Variants in LRIG2 observed in about 807,000 individuals in gnomAD.
The protein encoded by LRIG2 is leucine-rich repeats and immunoglobulin-like domains protein 2.
In LRIG2, 93 loss-of-function variants were observed where a neutral mutation model predicts 107.8. The observed-to-expected ratio is 0.86, with a 90% confidence interval of 0.73 to 1.03. LRIG2 has a LOEUF of 1.03. Ranked by LOEUF, LRIG2 falls within the 50% of genes least tolerant of loss-of-function variation. LRIG2 has a pLI of 0.00. For synonymous variants in LRIG2, 471 were observed against 470.6 expected (o/e 1.00, Z -0.01); for missense variants, 1,226 against 1,296.0 (o/e 0.95, Z 0.83).
chr1:113,099,255 T>TTTTTTTTTTTTG (rs59585603), intron 9 of LRIG2, among the ~76,000 whole-genome samples: 1 of 148,778 alleles, frequency 6.7e-6, no homozygotes, highest in Non-Finnish European at 1.5e-5. Context: ...TTTTTTTTTT[T>TTTTTTTTTTTTG]GAGACAGGGT....
At chr1:113,091,076 C>T (rs1653799858) in intron 1 of LRIG2, among the ~76,000 whole-genome samples, 1 of 151,696 alleles carries the variant, frequency 6.6e-6, no homozygotes, top group Admixed American at 6.6e-5. Flanking sequence ...CTCCTGACCT[C>T]AGGTGATCTG....
Position 113,073,249 on chromosome 1 carries a change from C to T in LRIG2, c.-158C>T. The T allele has an allele frequency of 7.5e-6, 5 of 664,798 alleles. No individual in the cohort carries two copies. Among genetic ancestry groups the T allele is most frequent in the South Asian group, 5.4e-5 (3 of 55,088 alleles). 41.2% of individuals were successfully genotyped at this position (664,798 alleles called of 1,614,324 possible). ...TGTCCCAGGCCGTCGACCCCGCTGT[C>T]GCGCTGCGTCTGCTCCTTGCATGCC... is the stretch of plus-strand genomic sequence containing the variant. On this transcript the variant is annotated 5_prime_UTR_variant, in exon 1 of 18. Coordinates refer to ENST00000361127, the MANE Select transcript of LRIG2 (RefSeq NM_014813.3).
intron 1 of LRIG2, among the ~76,000 whole-genome samples, chr1:113,079,273 G>C (rs1289720119): frequency 4.0e-5 from 6 of 151,564 alleles, no homozygotes; most frequent in Admixed American, 6.6e-5. Context: ...GCTTGAGCCT[G>C]GGAGGCAGAG....
chr1:113,098,551 T>C (rs1347968818), intron 8 of LRIG2, among the ~76,000 whole-genome samples, 154 bp from the exon 9 acceptor site: 2 of 152,240 alleles, frequency 1.3e-5, no homozygotes, highest in Admixed American at 1.3e-4. Context: ...CAGATATTTC[T>C]TAAGAAGCAG....
At position 113,093,414 on chromosome 1, in the gene LRIG2, A is replaced by C. The variant is rs1470466474; in HGVS notation, c.381-16A>C. ...GGATCAGTGGCAGCAGCTTCATTAT[A>C]ATCTTTGTTTTACAGAGTCCATAAT... On this transcript the variant is annotated splice_polypyrimidine_tract_variant and intron_variant, in intron 3 of 17. Transcript: ENST00000361127. 2 of 1,612,818 alleles carry C rather than the reference A, an allele frequency of 1.2e-6. No homozygotes were observed. Among genetic ancestry groups the C allele is most frequent in the Admixed American group, 3.3e-5 (2 of 59,778 alleles).
In LRIG2 at chr1:113,073,411, C is replaced by T. The variant is rs1179057056; in HGVS notation, c.5C>T (p.Ala2Val). 5.6e-6 allele frequency: 9 copies of T among 1,613,070 alleles called. No homozygotes were observed. Among genetic ancestry groups the T allele is most frequent in the Admixed American group, 1.7e-5 (1 of 59,914 alleles). ...ACGTCCAGGTCGAGGGGGAAAATGGCGCCGGCGCCCCTAGGCGTCCCGGAG... is the reference window on the plus strand; with the variant it reads ...ACGTCCAGGTCGAGGGGGAAAATGGTGCCGGCGCCCCTAGGCGTCCCGGAG... M[A>V]PAPLGVPEEQ... Residue 2 changes from alanine to valine, a missense_variant, in exon 1 of 18, where the codon GCG becomes GTG. By Grantham distance (64) the Ala-to-Val change is moderately conservative. Coordinates refer to ENST00000361127, the MANE Select transcript of LRIG2 (RefSeq NM_014813.3).
intron 1 of LRIG2, among the ~76,000 whole-genome samples, chr1:113,079,607 C>T (rs776413497): frequency 8.4e-5 from 12 of 142,680 alleles, no homozygotes; most frequent in Admixed American, 3.5e-4. Context: ...CGCTTGAGCC[C>T]GGGAGGCAGA....
chr1:113,112,329 A>G, intron 13 of LRIG2, 150 bp from the exon 14 acceptor site: 1 of 699,264 alleles, frequency 1.4e-6, no homozygotes, highest in Non-Finnish European at 2.3e-6. Flanking sequence ...TTATAAAACT[A>G]TATTCACTCT....
chr1:113,089,676 CTT>C (rs35515644), intron 1 of LRIG2, among the ~76,000 whole-genome samples: 1 of 71,674 alleles, frequency 1.4e-5, no homozygotes, highest in Non-Finnish European at 2.5e-5. Context: ...AGGTGGATTG[CTT>C]TTTTTTTTTT....
At chr1:113,119,579 C>T (rs1053552739) in intron 17 of LRIG2, 56 bp downstream of exon 17, 2 of 1,525,788 alleles carry the variant, frequency 1.3e-6, no homozygotes, top group Admixed American at 3.7e-5. Context: ...ATTGACTCTT[C>T]CTTCTATCAT....
chr1:113,095,948 A>G lies in LRIG2; in HGVS notation c.878A>G (p.Tyr293Cys), dbSNP rs199557464. The change falls in exon 7 of 18, where the codon TAT (tyrosine) becomes TGT (cysteine). Residue 293 changes from tyrosine to cysteine, a missense_variant. Tyr to Cys is a radical substitution (Grantham distance 194). Around this residue, in one of 3 missense-constraint regions of LRIG2, gnomAD observed 570 missense variants for 550.2 expected, o/e 1.04. Transcript: ENST00000361127. ...GGCTTGCGAATGTTACAGCAGCTCTATGTGAGCCAGAATGCTATTGAAAGA... is the reference window on the plus strand; with the variant it reads ...GGCTTGCGAATGTTACAGCAGCTCTGTGTGAGCCAGAATGCTATTGAAAGA... The part of the protein sequence containing the change: ...LYGLRMLQQL[Y>C]VSQNAIERIS... The G allele has an allele frequency of 7.4e-6, 12 of 1,614,216 alleles. No individual in the cohort carries two copies. In the African/African-American group the frequency reaches 8.0e-5, roughly 11 times the overall value.
At position 113,094,764 on chromosome 1, in the gene LRIG2, T is replaced by C. The variant is rs1186183122; in HGVS notation, c.803+9T>C. ...AATAACATGGAAGAACTGTAAGTACTCGGGACTAGAGGTGATTATTAGGAA... is the reference window on the plus strand; with the variant it reads ...AATAACATGGAAGAACTGTAAGTACCCGGGACTAGAGGTGATTATTAGGAA... On this transcript the variant is annotated intron_variant, in intron 6 of 17. Transcript: ENST00000361127. The C allele has an allele frequency of 6.2e-7, 1 of 1,613,024 alleles. No individual in the cohort carries two copies. Among genetic ancestry groups the C allele is most frequent in the East Asian group, 2.2e-5 (1 of 44,794 alleles).
chr1:113,080,836 G>GTTTTT (rs1007236694), intron 1 of LRIG2, among the ~76,000 whole-genome samples: 62 of 84,560 alleles, frequency 7.3e-4, no homozygotes, highest in Non-Finnish European at 9.1e-4. Flanking sequence ...AACACTAAAA[G>GTTTTT]TTTTTTTTTT....
intron 11 of LRIG2, among the ~76,000 whole-genome samples, chr1:113,105,302 C>T (rs947608851): frequency 2.0e-5 from 3 of 152,178 alleles, no homozygotes; most frequent in East Asian, 1.9e-4. Flanking sequence ...ACAGAGTATA[C>T]GGTATTCTCT....
At position 113,114,613 on chromosome 1, in the gene LRIG2, C is replaced by T; in HGVS notation, c.2267C>T (p.Ala756Val). 1 of 1,614,090 alleles carries T rather than the reference C, an allele frequency of 6.2e-7. No individual in the cohort carries two copies. The highest frequency in any genetic ancestry group is 8.5e-7 in the Non-Finnish European group (1 of 1,180,014). Residue 756 changes from alanine to valine, a missense_variant, in exon 15 of 18, where the codon GCC (alanine) becomes GTC (valine). Transcript: ENST00000361127. ...AANQLLIIVD[A>V]GLEDAGKYTC... ...AATCAGCTTCTCATCATTGTAGATG[C>T]CGGGCTAGAAGATGCTGGGAAATAT...
Position 113,094,500 on chromosome 1 carries a change from C to T in LRIG2, c.659+18C>T, listed in dbSNP as rs183959316. 60 of 1,598,176 alleles carry T rather than the reference C, an allele frequency of 3.8e-5. No individual in the cohort carries two copies. The highest frequency in any genetic ancestry group is 3.4e-4 in the Middle Eastern group (2 of 5,968). ...CAATTCTTGTGAGTAACGAAATAGA[C>T]GGATTATAAGAAGATAGTTTTTTCT... On this transcript the variant is annotated intron_variant, in intron 5 of 17. Transcript: ENST00000361127.
At position 113,130,234 on chromosome 1, in the gene LRIG2, C is replaced by G. The variant is rs952469429; in HGVS notation, c.*6133C>G. 1 of 152,184 alleles carries G rather than the reference C, an allele frequency of 6.6e-6. No homozygotes were observed. The highest frequency in any genetic ancestry group is 1.5e-5 in the Non-Finnish European group (1 of 68,046). The allele number at this position is 152,184 out of a possible 1,614,324, so 9.4% of individuals were successfully genotyped here. A position where few individuals can be genotyped will look rare whatever the true frequency, so the allele number is the denominator to read the frequency against. On this transcript the variant is annotated 3_prime_UTR_variant, in exon 18 of 18. Coordinates refer to ENST00000361127, the MANE Select transcript of LRIG2 (RefSeq NM_014813.3). ...ACTCTCCTGAAAAAAATAGCAGGAA[C>G]CCATTCCAATGTCCAAGCTCCCCTA...
intron 14 of LRIG2, among the ~76,000 whole-genome samples, chr1:113,113,863 A>C (rs958849325): frequency 6.6e-6 from 1 of 152,156 alleles, no homozygotes; most frequent in African/African-American, 2.4e-5. Flanking sequence ...AGATATACAG[A>C]AAATTAGGAA....
rs566000019 is a variant in LRIG2, at chr1:113,096,149, T to C, written c.948-73T>C. ...TTTGTAGAAAGCTCTAAATTTACCA[T>C]GTAGATATAATAAGAATTGTAAGTT... On this transcript the variant is annotated intron_variant, in intron 7 of 17. Transcript: ENST00000361127. 29 of 1,584,362 alleles carry C rather than the reference T, an allele frequency of 1.8e-5. No individual in the cohort carries two copies. The South Asian group carries it at 2.1e-4, about 11-fold the overall frequency.
Sources: gnomAD v4.1 joint callset for allele counts (sites outside exome capture counted in the v4.1 genomes callset) on GRCh38, gnomAD v4.1.1 for gene constraint, gnomAD v4.1.1 regional missense constraint, MANE v1.5 for transcripts, NCBI Gene and HGNC (gene_info 2026-07-23, HGNC 2026-07-21) for gene names.